Variants in PFKL observed in about 807,000 individuals in gnomAD.
PFKL encodes phosphofructokinase, liver type, also known as ATP-dependent 6-phosphofructokinase, liver type.
A neutral mutation model predicts 92.1 loss-of-function variants in PFKL; 74 were observed. The observed-to-expected ratio is 0.80, with a 90% CI of 0.67 to 0.97. The LOEUF is 0.97. Ranked by LOEUF, PFKL falls within the 50% of genes least tolerant of loss-of-function variation. PFKL has a pLI of 0.00. For missense variants in PFKL, 1,028 were observed against 1,116.6 expected, an observed-to-expected ratio of 0.92 and a Z score of 1.13; for synonymous variants, 494 against 456.4, an observed-to-expected ratio of 1.08 and a Z score of -1.05.
In PFKL at chr21:44,322,921, C is replaced by A. The variant is rs767682348; in HGVS notation, c.1410-41C>A. The A allele has an allele frequency of 8.2e-6, 12 of 1,472,310 alleles. No individual in the cohort carries two copies. In the East Asian group the frequency reaches 2.8e-4, roughly 34 times the overall value. The allele number at this position is 1,472,310 out of a possible 1,614,324, so 91.2% of individuals were successfully genotyped here. A position where few individuals can be genotyped will look rare whatever the true frequency, so the allele number is the denominator to read the frequency against. On this transcript the variant is annotated intron_variant, in intron 14 of 21. Transcript: ENST00000349048. ...TCAGATGCAATCTGGACACGCGTCC[C>A]CGGGTGCTGCGTGTTCATGCGGATG...
At chr21:44,305,800 G>A (rs887057084) in intron 1 of PFKL, 2 of 1,366,766 alleles carry the variant, frequency 1.5e-6, no homozygotes, top group African/African-American at 1.5e-5. Flanking sequence ...CCCTCTCCAG[G>A]AAACTGGCTT....
intron 9 of PFKL, among the ~76,000 whole-genome samples, chr21:44,317,408 G>T (rs1388375178): frequency 6.6e-6 from 1 of 152,212 alleles, no homozygotes; most frequent in Non-Finnish European, 1.5e-5. Context: ...TAGCCAGGCA[G>T]CTGCTGTCCC....
At chr21:44,324,764 A>G in intron 17 of PFKL, 92 bp from the exon 18 acceptor site, 1 of 1,572,878 alleles carries the variant, frequency 6.4e-7, no homozygotes, top group East Asian at 2.3e-5. Context: ...TGGGACGCGT[A>G]GCCCAGTGCT....
chr21:44,311,187 C>G, intron 3 of PFKL, 104 bp downstream of exon 3: 1 of 789,516 alleles, frequency 1.3e-6, no homozygotes, highest in Non-Finnish European at 2.1e-6. Flanking sequence ...GACACGTGCA[C>G]AAACACACAC....
chr21:44,308,401 A>G (rs2041015944), intron 2 of PFKL, among the ~76,000 whole-genome samples: 1 of 152,046 alleles, frequency 6.6e-6, no homozygotes, highest in Non-Finnish European at 1.5e-5. Flanking sequence ...CGTCCCATGA[A>G]GGTTCTTGGA....
At chr21:44,316,388 G>C (rs374364230) in intron 8 of PFKL, 44 bp from the exon 9 acceptor site, 1 of 1,610,698 alleles carries the variant, frequency 6.2e-7, no homozygotes, top group Non-Finnish European at 8.5e-7. Context: ...CCTCTAGGCC[G>C]TGTGGGCTGG....
rs1263291657 is a variant in PFKL, at chr21:44,322,168, G to T, written c.1374G>T (p.Trp458Cys). Residue 458 changes from tryptophan to cysteine, a missense_variant, in exon 14 of 22, where the codon TGG becomes TGT. Trp to Cys is a radical substitution (Grantham distance 215). Coordinates refer to ENST00000349048, the MANE Select transcript of PFKL (RefSeq NM_002626.6). ...TAGGCTGGCACGACGTGGCCGGCTG[G>T]TTGGGGCGTGGTGGCTCCATGCTGG... Reference protein sequence around the residue: ...QEVGWHDVAGWLGRGGSMLGT... With the variant: ...QEVGWHDVAGCLGRGGSMLGT... 1.9e-6 allele frequency: 3 copies of T among 1,605,630 alleles called. No homozygotes were observed. Among genetic ancestry groups the T allele is most frequent in the South Asian group, 1.1e-5 (1 of 90,898 alleles).
chr21:44,312,864 C>T, intron 4 of PFKL, 114 bp from the exon 5 acceptor site: 1 of 1,168,416 alleles, frequency 8.6e-7, no homozygotes, highest in Admixed American at 2.2e-5. Flanking sequence ...CTCCGGGGCC[C>T]CTGCCGGGCT....
intron 1 of PFKL, chr21:44,304,258 C>T (rs73231239): frequency 0.08 from 103,399 of 1,289,112 alleles, 4,424 homozygotes; most frequent in South Asian, 0.1. Context: ...ATCCTGGGGC[C>T]CCTTTGCCGT....
chr21:44,314,985 A>G (rs1485318893), intron 7 of PFKL: 1 of 152,188 alleles, frequency 6.6e-6, no homozygotes, highest in African/African-American at 2.4e-5. Context: ...CTGTGTGGAC[A>G]CTGGTTCCAC....
intron 1 of PFKL, among the ~76,000 whole-genome samples, chr21:44,305,621 A>G (rs1972267): frequency 0.33 from 49,703 of 152,070 alleles, 8,487 homozygotes; most frequent in East Asian, 0.62. Context: ...CTCACTCAGA[A>G]GGGGACCCTG....
At chr21:44,308,295 C>T (rs1013479738) in intron 2 of PFKL, among the ~76,000 whole-genome samples, 4 of 152,168 alleles carry the variant, frequency 2.6e-5, no homozygotes, top group African/African-American at 9.7e-5. Flanking sequence ...CCTGAATCTG[C>T]TGCCTAGTGG....
chr21:44,303,193 A>T (rs1274171260), intron 1 of PFKL, among the ~76,000 whole-genome samples: 4 of 151,788 alleles, frequency 2.6e-5, no homozygotes, highest in African/African-American at 9.7e-5. Flanking sequence ...AGATCGAGCC[A>T]CGGCACTCTA....
In PFKL at chr21:44,316,543, G is replaced by C; in HGVS notation, c.936+19G>C. ...GATCCTGGTAAGTGGCCATCACCCT[G>C]CCCTGCGTACGTGCGTGGGTAAGCG... On this transcript the variant is annotated intron_variant, in intron 9 of 21. Coordinates refer to ENST00000349048, the MANE Select transcript of PFKL (RefSeq NM_002626.6). 6.4e-7 allele frequency: 1 copy of C among 1,567,838 alleles called. No individual in the cohort carries two copies.
intron 7 of PFKL, 67 bp from the exon 8 acceptor site, chr21:44,316,177 C>G: frequency 6.7e-7 from 1 of 1,485,746 alleles, no homozygotes; most frequent in Non-Finnish European, 9.4e-7. Flanking sequence ...GCTCCTGGCA[C>G]CCGGGGGCTG....
In PFKL at chr21:44,306,198, C is replaced by T. The variant is rs576807391; in HGVS notation, c.86-483C>T. Among the ~76,000 whole-genome samples, 24 of 106,430 alleles carry T rather than the reference C, an allele frequency of 2.3e-4. 1 individual carries two copies. In the East Asian group the frequency reaches 3.4e-3, roughly 15 times the overall value. 69.8% of individuals were successfully genotyped at this position (106,430 alleles called of 152,430 possible). On this transcript the variant is annotated intron_variant, in intron 1 of 21. Coordinates refer to ENST00000349048, the MANE Select transcript of PFKL (RefSeq NM_002626.6). ...TTTTTATCCTGCTCTGTGGTCAAGG[C>T]CTGGCCCCGTGGCCTGTGAGTGTGG...
At position 44,301,446 on chromosome 21, in the gene PFKL, C is replaced by T. The variant is rs111396035; in HGVS notation, c.85+1256C>T. Among the ~76,000 whole-genome samples the T allele has an allele frequency of 9.0e-3, 1,193 of 132,444 alleles. 18 individuals are homozygous for T. The highest frequency in any genetic ancestry group is 0.037 in the African/African-American group (1,125 of 30,808). 86.9% of individuals were successfully genotyped at this position (132,444 alleles called of 152,430 possible). A position where few individuals can be genotyped will look rare whatever the true frequency, so the allele number is the denominator to read the frequency against. On this transcript the variant is annotated intron_variant, in intron 1 of 21. Coordinates refer to ENST00000349048, the MANE Select transcript of PFKL (RefSeq NM_002626.6). The stretch of plus-strand genomic sequence containing the variant: ...CCTGTGGGCCAGGGGTCCGTGTTGT[C>T]GAGAGGGGAGGGCGTTGTTCAAGGA...
rs2047374159 is a variant in PFKL, at chr21:44,322,163, G to A, written c.1369G>A (p.Gly457Ser). ...AGAAGTAGGCTGGCACGACGTGGCC[G>A]GCTGGTTGGGGCGTGGTGGCTCCAT... Reference protein sequence around the residue: ...VQEVGWHDVAGWLGRGGSMLG... With the variant: ...VQEVGWHDVASWLGRGGSMLG... Residue 457 changes from glycine (G) to serine (S), a missense_variant, in exon 14 of 22, where the codon GGC becomes AGC. Gly to Ser is a moderately conservative substitution (Grantham distance 56, BLOSUM62 0). Coordinates refer to ENST00000349048, the MANE Select transcript of PFKL (RefSeq NM_002626.6). The A allele has an allele frequency of 5.0e-6, 8 of 1,605,618 alleles. No individual in the cohort carries two copies. Among genetic ancestry groups the A allele is most frequent in the Non-Finnish European group, 5.9e-6 (7 of 1,178,858 alleles).
chr21:44,310,109 G>A (rs993911043), intron 2 of PFKL, among the ~76,000 whole-genome samples: 13 of 152,256 alleles, frequency 8.5e-5, no homozygotes, highest in African/African-American at 2.4e-4. Context: ...GAAGGCTGCT[G>A]ATGCCATGGA....
Sources: gnomAD v4.1 joint callset for allele counts (sites outside exome capture counted in the v4.1 genomes callset) on GRCh38, gnomAD v4.1.1 for gene constraint, MANE v1.5 for transcripts, NCBI Gene and HGNC (gene_info 2026-07-23, HGNC 2026-07-21) for gene names.